OOEP: variants seen among roughly 807,000 people sequenced by gnomAD.
OOEP encodes oocyte-expressed protein homolog.
Under a neutral mutation model 13.7 loss-of-function variants are expected in OOEP, and 16 were observed. The observed-to-expected ratio is 1.16, with a 90% confidence interval of 0.79 to 1.77. The LOEUF (loss-of-function observed/expected upper bound fraction) is 1.77. OOEP is among the 40% of genes most tolerant of loss of function. The pLI is 0.00. For missense variants in OOEP, 195 were observed against 193.1 expected, an observed-to-expected ratio of 1.01 and a Z score of -0.06; for synonymous variants, 89 against 77.1, an observed-to-expected ratio of 1.15 and a Z score of -0.81.
At chr6:73,386,314 G>A (rs906525187) in intron 2 of OOEP, among the ~76,000 whole-genome samples, 2 of 151,124 alleles carry the variant, frequency 1.3e-5, no homozygotes, top group African/African-American at 2.4e-5. Flanking sequence ...GGCTGTTCTC[G>A]AACTCCCAAC....
In OOEP at chr6:73,379,657, A is replaced by AAAAAAAG. The variant is rs1554233272; in HGVS notation, c.26-10273_26-10272insCTTTTTT. ...CTATCTCAAAAAAAAAAAAAAAAAA[A>AAAAAAAG]AAAAGTGGCCTTATTTTACATGTTT... On this transcript the variant is annotated intron_variant, in intron 2 of 3. Coordinates refer to the OOEP transcript ENST00000370363. Among the ~76,000 whole-genome samples, 65 of 110,894 alleles carry AAAAAAAG rather than the reference A, an allele frequency of 5.9e-4. 12 individuals carry two copies. Among genetic ancestry groups the AAAAAAAG allele is most frequent in the East Asian group, 8.5e-4 (3 of 3,536 alleles). 72.8% of individuals were successfully genotyped at this position (110,894 alleles called of 152,430 possible).
At chr6:73,382,590 G>A (rs1014277467) in intron 2 of OOEP, among the ~76,000 whole-genome samples, 3 of 151,852 alleles carry the variant, frequency 2.0e-5, no homozygotes, top group Non-Finnish European at 4.4e-5. Flanking sequence ...CAAACTCCTG[G>A]GCTCAAATGA....
intron 2 of OOEP, among the ~76,000 whole-genome samples, chr6:73,380,694 G>A (rs1453500892): frequency 2.0e-5 from 3 of 152,148 alleles, no homozygotes; most frequent in Non-Finnish European, 4.4e-5. Flanking sequence ...TTAGTAAGCA[G>A]ATTAAACTTT....
intron 2 of OOEP, among the ~76,000 whole-genome samples, chr6:73,378,725 G>A (rs193209175): frequency 1.9e-4 from 29 of 151,938 alleles, no homozygotes; most frequent in Admixed American, 3.3e-4. Flanking sequence ...TTAGCCGAGC[G>A]TGGTGACATA....
upstream of OOEP, chr6:73,373,368 A>C: frequency 8.6e-7 from 1 of 1,166,142 alleles, no homozygotes; most frequent in Non-Finnish European, 1.3e-6. Flanking sequence ...TCTGTCACCC[A>C]GGCTAGAGTG....
chr6:73,383,790 AT>A (rs1199849474), intron 2 of OOEP, among the ~76,000 whole-genome samples: 1 of 152,178 alleles, frequency 6.6e-6, no homozygotes, highest in Non-Finnish European at 1.5e-5. Flanking sequence ...AAAGACTCAA[AT>A]TACTAAGATC....
At chr6:73,389,617 C>T (rs1484895380) in intron 2 of OOEP, among the ~76,000 whole-genome samples, 1 of 146,466 alleles carries the variant, frequency 6.8e-6, no homozygotes, top group Admixed American at 7.1e-5. Flanking sequence ...TTTAAAATAA[C>T]AGAACTCATA....
At chr6:73,394,712 C>G (rs1483225872) in intron 1 of OOEP, 1 of 777,214 alleles carries the variant, frequency 1.3e-6, no homozygotes. Flanking sequence ...CCGCCCACAA[C>G]GCTCACTGGC....
chr6:73,371,859 C>T (rs538054371), upstream of OOEP, among the ~76,000 whole-genome samples: 145 of 152,296 alleles, frequency 9.5e-4, no homozygotes, highest in African/African-American at 3.1e-3. Context: ...ACCCCAGAGG[C>T]AGAGGTTGCA....
chr6:73,384,310 G>A (rs927518210), intron 2 of OOEP, among the ~76,000 whole-genome samples: 1 of 151,826 alleles, frequency 6.6e-6, no homozygotes, highest in South Asian at 2.1e-4. Flanking sequence ...CAACATTTCC[G>A]ACAAAGAAAA....
intron 2 of OOEP, chr6:73,391,689 A>G (rs931272000): frequency 6.5e-6 from 1 of 153,870 alleles, no homozygotes; most frequent in African/African-American, 2.4e-5. Flanking sequence ...TTCTCAGAAA[A>G]AGTATGACAT....
intron 2 of OOEP, among the ~76,000 whole-genome samples, chr6:73,385,698 C>A (rs541049118): frequency 1.3e-5 from 2 of 151,984 alleles, no homozygotes; most frequent in South Asian, 4.2e-4. Context: ...AGCGATTCTC[C>A]TATCTCAGCC....
intron 2 of OOEP, among the ~76,000 whole-genome samples, chr6:73,382,158 C>G (rs1442239387): frequency 1.3e-5 from 2 of 151,752 alleles, no homozygotes; most frequent in African/African-American, 4.8e-5. Flanking sequence ...AGTGATCCCC[C>G]CGCCTCAGCC....
upstream of OOEP, among the ~76,000 whole-genome samples, chr6:73,370,914 T>G (rs1769039138): frequency 6.6e-6 from 1 of 152,158 alleles, no homozygotes; most frequent in Admixed American, 6.5e-5. Flanking sequence ...CCTGAGTAGC[T>G]GAGACCACAG....
At position 73,385,726 on chromosome 6, in the gene OOEP, T is replaced by C. The variant is rs1423289227; in HGVS notation, c.25+8620A>G. 2.0e-5 allele frequency among the ~76,000 whole-genome samples: 3 copies of C among 152,004 alleles called. No homozygotes were observed. In the East Asian group the frequency reaches 5.8e-4, roughly 29 times the overall value. ...TCTCAGCCTCCTGAGTAGCTGGGATTATAGGCGCCTGCCACCACGCCCGGC... is the reference window on the plus strand; with the variant it reads ...TCTCAGCCTCCTGAGTAGCTGGGATCATAGGCGCCTGCCACCACGCCCGGC... On this transcript the variant is annotated intron_variant, in intron 2 of 3. Transcript: ENST00000370363.
At chr6:73,394,971 A>C (rs533782115) in exon 1 of OOEP, 150 of 1,614,150 alleles carry the variant, frequency 9.3e-5, no homozygotes, top group Non-Finnish European at 1.3e-4. Context: ...GAAGCTCGAC[A>C]GTGTCCCGAG....
exon 1 of OOEP, chr6:73,394,973 T>G (rs1189493652): frequency 6.2e-7 from 1 of 1,614,100 alleles, no homozygotes; most frequent in Admixed American, 1.7e-5. Context: ...AGCTCGACAG[T>G]GTCCCGAGCG....
intron 1 of OOEP, 101 bp from the exon 2 acceptor site, chr6:73,369,486 G>T: frequency 6.8e-7 from 1 of 1,478,592 alleles, no homozygotes; most frequent in African/African-American, 1.4e-5. Flanking sequence ...TGGAAGGTGG[G>T]CATCACTGCA....
In OOEP at chr6:73,369,677, C is replaced by G; in HGVS notation, c.116G>C (p.Trp39Ser). ...TCTCAGTTCCTGCACCGGAAACCAC[C>G]AGGGCCGGATGCGAATCTGTGGCGG... ...LPPPQIRIRP[W>S]WFPVQELRDP... Residue 39 changes from tryptophan to serine, a missense_variant, in exon 1 of 3, where the codon TGG becomes TCG. By Grantham distance (177) the Trp-to-Ser change is radical (BLOSUM62 -3). Coordinates refer to ENST00000370359, the MANE Select transcript of OOEP (RefSeq NM_001080507.3). 1.2e-6 allele frequency: 2 copies of G among 1,614,056 alleles called. No homozygotes were observed. The highest frequency in any genetic ancestry group is 1.7e-6 in the Non-Finnish European group (2 of 1,179,892).
Sources: gnomAD v4.1 joint callset for allele counts (sites outside exome capture counted in the v4.1 genomes callset) on GRCh38, gnomAD v4.1.1 for gene constraint, MANE v1.5 for transcripts, NCBI Gene and HGNC (gene_info 2026-07-23, HGNC 2026-07-21) for gene names.